The following DNAJC6 variants were observed in gnomAD, a reference collection of about 807,000 sequenced individuals.
DNAJC6 encodes DnaJ heat shock protein family (Hsp40) member C6.
DNAJC6 carries 34 observed loss-of-function variants against 110.0 expected under a neutral mutation model. That is an observed-to-expected ratio of 0.31 (90% CI 0.24 to 0.41). The LOEUF (loss-of-function observed/expected upper bound fraction) is 0.41. Ranked by LOEUF, DNAJC6 falls within the 10% of genes least tolerant of loss-of-function variation. The pLI, the probability that DNAJC6 is intolerant of heterozygous loss-of-function variation, is 1.00. For missense variants in DNAJC6, 1,031 were observed against 1,207.8 expected (o/e 0.85, Z 2.17); for synonymous variants, 406 against 437.2 (o/e 0.93, Z 0.89).
intron 1 of DNAJC6, among the ~76,000 whole-genome samples, chr1:65,325,219 C>G (rs1388188215): frequency 6.6e-6 from 1 of 152,172 alleles, no homozygotes; most frequent in Non-Finnish European, 1.5e-5. Flanking sequence ...TTTGTTCCTT[C>G]AAGCATCTAT....
chr1:65,307,258 C>T (rs1158670118), upstream of DNAJC6, among the ~76,000 whole-genome samples: 1 of 151,634 alleles, frequency 6.6e-6, no homozygotes, highest in African/African-American at 2.4e-5. Context: ...ATTTTCCTGC[C>T]TTAATATGCT....
intron 1 of DNAJC6, among the ~76,000 whole-genome samples, chr1:65,359,661 A>G (rs1225549396): frequency 2.6e-5 from 4 of 152,228 alleles, no homozygotes; most frequent in African/African-American, 7.2e-5. Flanking sequence ...TGTTGGAGGT[A>G]GCAAGCTCTG....
chr1:65,298,040 TA>T (rs67514205), intron 1 of DNAJC6, among the ~76,000 whole-genome samples: 97,111 of 151,526 alleles, frequency 0.64, 31,324 homozygotes, highest in East Asian at 0.79. Context: ...AATCATCCTT[TA>T]AAAAAAACCC....
chr1:65,324,827 G>A (rs1408322363), intron 1 of DNAJC6, among the ~76,000 whole-genome samples: 1 of 151,998 alleles, frequency 6.6e-6, no homozygotes, highest in African/African-American at 2.4e-5. Flanking sequence ...AGTGTGTAGA[G>A]GCCAGGGTGT....
chr1:65,285,966 C>G (rs1234095065), intron 1 of DNAJC6, among the ~76,000 whole-genome samples: 2 of 152,138 alleles, frequency 1.3e-5, no homozygotes, highest in Non-Finnish European at 2.9e-5. Context: ...CCACCATGCC[C>G]CACTTTATTT....
intron 1 of DNAJC6, among the ~76,000 whole-genome samples, chr1:65,316,253 C>A (rs796915608): frequency 6.6e-6 from 1 of 152,150 alleles, no homozygotes; most frequent in Non-Finnish European, 1.5e-5. Flanking sequence ...GCCTGCACCT[C>A]CATCTTTATG....
chr1:65,293,038 A>G (rs913838488), intron 1 of DNAJC6, among the ~76,000 whole-genome samples: 7 of 152,332 alleles, frequency 4.6e-5, no homozygotes, highest in Non-Finnish European at 2.9e-5. Context: ...GCAAGCAGAA[A>G]TCCACAATGC....
At chr1:65,282,914 G>A (rs191699403) in intron 1 of DNAJC6, among the ~76,000 whole-genome samples, 2 of 152,182 alleles carry the variant, frequency 1.3e-5, no homozygotes, top group Non-Finnish European at 2.9e-5. Flanking sequence ...GCATACATGA[G>A]TCATTCAGTG....
At chr1:65,398,028 G>T (rs1162330192) in intron 13 of DNAJC6, among the ~76,000 whole-genome samples, 1 of 152,124 alleles carries the variant, frequency 6.6e-6, no homozygotes, top group Non-Finnish European at 1.5e-5. Context: ...GCCTCAGAAA[G>T]AAATTCTTCA....
At position 65,392,583 on chromosome 1, in the gene DNAJC6, A is replaced by ATT. The variant is rs754847615; in HGVS notation, c.1621_1622insTT (p.Lys541IlefsTer25). On this transcript the variant is annotated frameshift_variant, in exon 12 of 19. Coordinates refer to ENST00000371069, the MANE Select transcript of DNAJC6 (RefSeq NM_001256864.2). LOFTEE classifies it high-confidence loss of function. ...TCATGGAGTCAAGAAGCCCAGCAAA[A>ATT]AGCAGCAGGAGCCAGCAGCCCCTCC... is the stretch of plus-strand genomic sequence containing the variant. The ATT allele has an allele frequency of 6.2e-7, 1 of 1,614,118 alleles. No homozygotes were observed. The highest frequency in any genetic ancestry group is 1.1e-5 in the South Asian group (1 of 91,068).
chr1:65,302,253 AATATTATAT>A (rs1644992920), intron 1 of DNAJC6, among the ~76,000 whole-genome samples: 1 of 21,064 alleles, frequency 4.7e-5, no homozygotes, highest in South Asian at 1.5e-3. Flanking sequence ...ATTAATATAT[AATATTATAT>A]ATATTATATA....
At chr1:65,280,586 C>T (rs902731598) in intron 1 of DNAJC6, among the ~76,000 whole-genome samples, 2 of 152,164 alleles carry the variant, frequency 1.3e-5, no homozygotes, top group Non-Finnish European at 2.9e-5. Context: ...TCCTTCTTCT[C>T]TCTCTCTTTC....
chr1:65,282,190 C>T (rs1653875548), intron 1 of DNAJC6, among the ~76,000 whole-genome samples: 1 of 152,156 alleles, frequency 6.6e-6, no homozygotes, highest in Non-Finnish European at 1.5e-5. Flanking sequence ...CTGCAAAGTG[C>T]TGGGATTACA....
chr1:65,307,653 C>T (rs1264454573), upstream of DNAJC6, among the ~76,000 whole-genome samples: 2 of 151,910 alleles, frequency 1.3e-5, no homozygotes, highest in African/African-American at 4.8e-5. Flanking sequence ...ATTTACTGTC[C>T]CTGTGTGTCT....
intron 1 of DNAJC6, among the ~76,000 whole-genome samples, chr1:65,322,893 T>G (rs1645209482): frequency 1.3e-5 from 2 of 152,320 alleles, no homozygotes; most frequent in African/African-American, 4.8e-5. Flanking sequence ...TTTGAATAGC[T>G]TTTCATTAGG....
intron 1 of DNAJC6, among the ~76,000 whole-genome samples, chr1:65,352,082 T>C (rs1018492669): frequency 6.6e-6 from 1 of 152,184 alleles, no homozygotes; most frequent in African/African-American, 2.4e-5. Context: ...ACATTTTCAA[T>C]ATGTAGTTTT....
rs142342080 is a variant in DNAJC6, at chr1:65,398,892, G to C, written c.2107+11G>C. 1 of 1,613,656 alleles carries C rather than the reference G, an allele frequency of 6.2e-7. No individual in the cohort carries two copies. Among genetic ancestry groups the C allele is most frequent in the East Asian group, 2.2e-5 (1 of 44,880 alleles). ...GGCATGCTAAACCAGGTAAAAGCAG[G>C]TTATTTTCTGTACACATTTATATAA... is the stretch of plus-strand genomic sequence containing the variant. On this transcript the variant is annotated intron_variant, in intron 14 of 18. Transcript: ENST00000371069.
chr1:65,314,162 A>G (rs973635456), intron 1 of DNAJC6, among the ~76,000 whole-genome samples: 6 of 151,848 alleles, frequency 4.0e-5, no homozygotes, highest in African/African-American at 1.4e-4. Context: ...ATATTTAAAT[A>G]TATAGAAATT....
chr1:65,410,902 T>A (rs1646122375), intron 17 of DNAJC6, among the ~76,000 whole-genome samples: 1 of 152,234 alleles, frequency 6.6e-6, no homozygotes, highest in East Asian at 1.9e-4. Context: ...CCAGAGAAGT[T>A]TGGCCCTTTT....
Sources: gnomAD v4.1 joint callset for allele counts (sites outside exome capture counted in the v4.1 genomes callset) on GRCh38, gnomAD v4.1.1 for gene constraint, MANE v1.5 for transcripts, NCBI Gene and HGNC (gene_info 2026-07-23, HGNC 2026-07-21) for gene names.